The following GOLGA8B variants were observed in gnomAD, a reference collection of about 807,000 sequenced individuals.
The protein encoded by GOLGA8B is golgin subfamily A member 8B.
In GOLGA8B, 1 loss-of-function variant was observed where a neutral mutation model predicts 15.6. The observed-to-expected ratio is 0.06, with a 90% CI of 0.02 to 0.30. The LOEUF (loss-of-function observed/expected upper bound fraction) is 0.30, where lower values mean the gene tolerates loss of function less well. GOLGA8B is among the 10% of genes least tolerant of loss of function. The pLI, the probability that GOLGA8B is intolerant of heterozygous loss-of-function variation, is 1.00. For missense variants in GOLGA8B, 17 were observed against 201.3 expected, an observed-to-expected ratio of 0.08 and a Z score of 5.54; for synonymous variants, 9 against 80.3, an observed-to-expected ratio of 0.11 and a Z score of 4.75.
rs1179449438 is a variant in GOLGA8B, at chr15:34,532,333, G to A, written c.286-334C>T. Among the ~76,000 whole-genome samples, 3 of 59,738 alleles carry A rather than the reference G, an allele frequency of 5.0e-5. 1 individual carries two copies. Among genetic ancestry groups the A allele is most frequent in the Non-Finnish European group, 1.8e-4 (2 of 11,410 alleles). The allele number at this position is 59,738 out of a possible 152,430, so 39.2% of individuals were successfully genotyped here. On this transcript the variant is annotated intron_variant, in intron 11 of 23. Coordinates refer to ENST00000683415, the MANE Select transcript of GOLGA8B (RefSeq NM_001023567.5). The stretch of plus-strand genomic sequence containing the variant: ...CAATAGACATTTACTGAGCACGTAC[G>A]GGCCAGGGACGGTTCTTCACAGCCG...
Position 34,532,864 on chromosome 15 carries a change from A to C in GOLGA8B, c.267T>G (p.Asn89Lys), listed in dbSNP as rs776513681. 1.6e-6 allele frequency: 2 copies of C among 1,232,692 alleles called. No individual in the cohort carries two copies. Among genetic ancestry groups the C allele is most frequent in the Admixed American group, 1.9e-5 (1 of 52,704 alleles). 76.4% of individuals were successfully genotyped at this position (1,232,692 alleles called of 1,614,324 possible). ...NSRSIKISRL[N>K]DTIKSLKQQK... ...CTCTTACCAAAGATTTGATGGTGTC[A>C]TTCAGTCGACTGATTTTTATGGACC... Residue 89 changes from asparagine to lysine, a missense_variant, in exon 11 of 24, where the codon AAT becomes AAG. This residue lies in a region of GOLGA8B where 5 missense variants were observed against 35.9 expected (regional missense o/e 0.14). Coordinates refer to ENST00000683415, the MANE Select transcript of GOLGA8B (RefSeq NM_001023567.5).
chr15:34,563,799 T>C (rs1319224045), intron 1 of GOLGA8B, among the ~76,000 whole-genome samples: 2 of 145,102 alleles, frequency 1.4e-5, no homozygotes, highest in Non-Finnish European at 3.2e-5. Context: ...GTGAATTACC[T>C]GATGAAATTT....
intron 1 of GOLGA8B, 148 bp downstream of exon 1, chr15:34,583,368 A>C (rs1346732579): frequency 4.6e-5 from 7 of 151,604 alleles, no homozygotes; most frequent in Non-Finnish European, 7.4e-5. Context: ...GCCTCCCCGC[A>C]GCCCCGCCGA....
chr15:34,583,272 C>G (rs1262677543), intron 1 of GOLGA8B, among the ~76,000 whole-genome samples: 4 of 152,048 alleles, frequency 2.6e-5, no homozygotes, highest in Non-Finnish European at 4.4e-5. Flanking sequence ...TGGTCCCCGC[C>G]GCACCCGCCC....
chr15:34,556,579 G>C, intron 1 of GOLGA8B: 1 of 1,497,740 alleles, frequency 6.7e-7, no homozygotes, highest in Non-Finnish European at 9.3e-7. Context: ...ATAAGCCTGA[G>C]TATGACCAGC....
At chr15:34,582,805 TCTC>T (rs540340227) in intron 1 of GOLGA8B, 44 of 152,014 alleles carry the variant, frequency 2.9e-4, no homozygotes, top group Admixed American at 1.3e-3. Context: ...GCCTCGATGT[TCTC>T]CTTCACCATC....
chr15:34,571,376 C>T (rs542840384), intron 1 of GOLGA8B, among the ~76,000 whole-genome samples: 2 of 151,632 alleles, frequency 1.3e-5, no homozygotes, highest in South Asian at 2.1e-4. Flanking sequence ...GAAAGGTTGG[C>T]GGAAAATGAA....
intron 1 of GOLGA8B, among the ~76,000 whole-genome samples, chr15:34,568,000 TG>T (rs1465060392): frequency 6.6e-6 from 1 of 150,878 alleles, no homozygotes; most frequent in Non-Finnish European, 1.5e-5. Context: ...CCAGCTAACC[TG>T]GGAAGTACAC....
intron 1 of GOLGA8B, among the ~76,000 whole-genome samples, chr15:34,579,212 T>C (rs2339594): frequency 0.36 from 55,138 of 151,428 alleles, 10,460 homozygotes; most frequent in Admixed American, 0.45. Context: ...TCCTCTTTTC[T>C]GACCTCCCAG....
intron 1 of GOLGA8B, 95 bp downstream of exon 1, chr15:34,583,421 G>C (rs1269270843): frequency 6.6e-6 from 1 of 151,614 alleles, no homozygotes; most frequent in Non-Finnish European, 1.5e-5. Context: ...TGCAGCTTCC[G>C]CGCCGCCCCC....
intron 1 of GOLGA8B, among the ~76,000 whole-genome samples, chr15:34,575,599 T>C (rs1889052917): frequency 6.6e-6 from 1 of 151,934 alleles, no homozygotes; most frequent in Non-Finnish European, 1.5e-5. Flanking sequence ...TGCCAAAAAC[T>C]TGGCCCTCCC....
At chr15:34,548,062 A>G (rs561484155) in intron 4 of GOLGA8B, among the ~76,000 whole-genome samples, 1 of 152,224 alleles carries the variant, frequency 6.6e-6, no homozygotes, top group East Asian at 1.9e-4. Flanking sequence ...CTATGTACTC[A>G]TTTCTTGTGG....
chr15:34,579,002 T>C (rs759502204), intron 1 of GOLGA8B, among the ~76,000 whole-genome samples: 7 of 152,126 alleles, frequency 4.6e-5, no homozygotes, highest in Non-Finnish European at 1.0e-4. Context: ...AGCCACACCA[T>C]GGAGTCCTTG....
Position 34,546,942 on chromosome 15 carries a change from A to G in GOLGA8B, c.-534T>C, listed in dbSNP as rs1450773710. 1 of 103,612 alleles carries G rather than the reference A, an allele frequency of 9.7e-6. No individual in the cohort carries two copies. Among genetic ancestry groups the G allele is most frequent in the Non-Finnish European group, 1.8e-5 (1 of 55,286 alleles). The allele number at this position is 103,612 out of a possible 1,614,324, so 6.4% of individuals were successfully genotyped here. On this transcript the variant is annotated 5_prime_UTR_variant, in exon 5 of 24. The change abolishes an upstream ATG in the 5' untranslated region. Transcript: ENST00000683415. Reference sequence around the variant, plus strand: ...AATTCAGGCAATACATACCGGATTCATACTTCAGGAAGACAACCCAGTTGA... The same window carrying G: ...AATTCAGGCAATACATACCGGATTCGTACTTCAGGAAGACAACCCAGTTGA...
chr15:34,577,034 G>A lies in GOLGA8B; in HGVS notation c.-1123+6482C>T, dbSNP rs1346213271. Among the ~76,000 whole-genome samples the A allele has an allele frequency of 2.7e-5, 4 of 150,218 alleles. No homozygotes were observed. In the East Asian group the frequency reaches 5.8e-4, roughly 22 times the overall value. ...CTTGGGATGAGTCAAGACAAACTCTGAGCAGTGACGCTCTACAGCTGGCTC... is the reference window on the plus strand; with the variant it reads ...CTTGGGATGAGTCAAGACAAACTCTAAGCAGTGACGCTCTACAGCTGGCTC... On this transcript the variant is annotated intron_variant, in intron 1 of 23. Coordinates refer to ENST00000683415, the MANE Select transcript of GOLGA8B (RefSeq NM_001023567.5).
At position 34,569,299 on chromosome 15, in the gene GOLGA8B, C is replaced by A. The variant is rs1471688620; in HGVS notation, c.-1123+14217G>T. 5.4e-5 allele frequency among the ~76,000 whole-genome samples: 8 copies of A among 148,280 alleles called. No individual in the cohort carries two copies. In the South Asian group the frequency reaches 8.5e-4, roughly 16 times the overall value. ...GGATGCCTAGCAGATGGGAAGACGA[C>A]AAACTAACAAACACCCAGGCCTTGG... On this transcript the variant is annotated intron_variant, in intron 1 of 23. Coordinates refer to ENST00000683415, the MANE Select transcript of GOLGA8B (RefSeq NM_001023567.5).
chr15:34,565,070 C>T lies in GOLGA8B; in HGVS notation c.-1122-11114G>A, dbSNP rs576610520. Among the ~76,000 whole-genome samples the T allele has an allele frequency of 7.0e-5, 10 of 143,198 alleles. 1 individual carries two copies. The highest frequency in any genetic ancestry group is 1.9e-4 in the East Asian group (1 of 5,130). The allele number at this position is 143,198 out of a possible 152,430, so 93.9% of individuals were successfully genotyped here. On this transcript the variant is annotated intron_variant, in intron 1 of 23. Transcript: ENST00000683415. ...GAAGGTGGTTGAGTTTAGCTCCAGTCCCCAAAAGGTGCTGTGGGGAGGAAG... is the reference window on the plus strand; with the variant it reads ...GAAGGTGGTTGAGTTTAGCTCCAGTTCCCAAAAGGTGCTGTGGGGAGGAAG...
intron 1 of GOLGA8B, among the ~76,000 whole-genome samples, chr15:34,567,070 A>T (rs1376604711): frequency 4.1e-5 from 5 of 120,518 alleles, no homozygotes; most frequent in African/African-American, 1.6e-4. Context: ...TCGGAGTCAC[A>T]TCTCTGATGG....
chr15:34,581,007 G>A (rs184381328), intron 1 of GOLGA8B, among the ~76,000 whole-genome samples: 4 of 152,296 alleles, frequency 2.6e-5, no homozygotes, highest in East Asian at 1.9e-4. Flanking sequence ...AGCTCTCTCC[G>A]TTTCTCTAAG....
Sources: allele counts gnomAD v4.1 joint callset (sites outside exome capture counted in the v4.1 genomes callset), GRCh38; gene constraint gnomAD v4.1.1; regional missense constraint gnomAD v4.1.1; transcripts MANE v1.5; gene names NCBI Gene and HGNC (gene_info 2026-07-23, HGNC 2026-07-21).